PIK3C2B: variants seen among roughly 807,000 people sequenced by gnomAD.
The protein encoded by PIK3C2B is phosphatidylinositol 4-phosphate 3-kinase C2 domain-containing subunit beta.
PIK3C2B carries 83 observed loss-of-function variants against 184.3 expected under a neutral mutation model. The observed-to-expected ratio is 0.45, with a 90% CI of 0.38 to 0.54. The LOEUF is 0.54. Ranked by LOEUF, PIK3C2B falls within the 20% of genes least tolerant of loss-of-function variation. PIK3C2B has a pLI of 0.00. For synonymous variants in PIK3C2B, 779 were observed against 837.6 expected, an observed-to-expected ratio of 0.93 and a Z score of 1.21; for missense variants, 1,736 against 2,113.5, an observed-to-expected ratio of 0.82 and a Z score of 3.50.
Position 204,446,077 on chromosome 1 carries a change from G to C in PIK3C2B, c.2557C>G (p.Leu853Val). 1 of 1,600,020 alleles carries C rather than the reference G, an allele frequency of 6.2e-7. No individual in the cohort carries two copies. The highest frequency in any genetic ancestry group is 1.1e-5 in the South Asian group (1 of 89,506). The change falls in exon 16 of 33, where the codon CTC (leucine) becomes GTC (valine). Residue 853 changes from leucine (L) to valine (V), a missense_variant. By Grantham distance (32) the Leu-to-Val change is conservative (BLOSUM62 1). Coordinates refer to ENST00000684373, the MANE Select transcript of PIK3C2B (RefSeq NM_001377334.1). ...GGGGCGCTGGCGAGCACCAGGGGGAGCGAGCTCACCTCCGAGTGGCAGTAA... is the reference window on the plus strand; with the variant it reads ...GGGGCGCTGGCGAGCACCAGGGGGACCGAGCTCACCTCCGAGTGGCAGTAA... ...RYYCHSEVSS[L>V]PLVLASAPSW...
At chr1:204,425,582 C>G (rs1674700886) in intron 32 of PIK3C2B, 31 bp downstream of exon 32, 1 of 1,613,014 alleles carries the variant, frequency 6.2e-7, no homozygotes, top group Admixed American at 1.7e-5. Flanking sequence ...GTTGCCAACC[C>G]CTGCCCTACC....
Position 204,456,435 on chromosome 1 carries a change from G to A in PIK3C2B, c.1748-384C>T, listed in dbSNP as rs895132813. The A allele has an allele frequency of 1.8e-5, 3 of 167,496 alleles. No individual in the cohort carries two copies. In the Admixed American group the frequency reaches 1.9e-4, roughly 11 times the overall value. The allele number at this position is 167,496 out of a possible 1,614,324, so 10.4% of individuals were successfully genotyped here. ...TCTTGGTCCCCCAAATACTTTGGGGGACATTTTACTGGTCTATGAAATCCA... is the reference window on the plus strand; with the variant it reads ...TCTTGGTCCCCCAAATACTTTGGGGAACATTTTACTGGTCTATGAAATCCA... On this transcript the variant is annotated intron_variant, in intron 10 of 32. Transcript: ENST00000684373.
chr1:204,445,653 G>A (rs1181668046), intron 16 of PIK3C2B, among the ~76,000 whole-genome samples: 1 of 145,286 alleles, frequency 6.9e-6, no homozygotes, highest in Non-Finnish European at 1.5e-5. Context: ...GATGGATACA[G>A]TGATGGATAA....
chr1:204,430,335 A>C lies in PIK3C2B; in HGVS notation c.4281-297T>G, dbSNP rs188844264. The stretch of plus-strand genomic sequence containing the variant: ...GGCTCGGGAGCCCTCAGTTTCTCCC[A>C]TCGATGTAAAAATCCTTTTTTTTTT... On this transcript the variant is annotated intron_variant, in intron 28 of 32. Coordinates refer to ENST00000684373, the MANE Select transcript of PIK3C2B (RefSeq NM_001377334.1). Among the ~76,000 whole-genome samples, 5 of 150,708 alleles carry C rather than the reference A, an allele frequency of 3.3e-5. No homozygotes were observed. In the East Asian group the frequency reaches 1.0e-3, roughly 30 times the overall value.
intron 23 of PIK3C2B, among the ~76,000 whole-genome samples, chr1:204,437,793 G>GA (rs1558237057): frequency 2.6e-5 from 4 of 152,198 alleles, no homozygotes; most frequent in Non-Finnish European, 4.4e-5. Context: ...GGTTTCAAGA[G>GA]GCAAAGGAGA....
chr1:204,440,397 TTGGCC>T, intron 21 of PIK3C2B, 76 bp from the exon 22 acceptor site: 1 of 1,472,624 alleles, frequency 6.8e-7, no homozygotes, highest in African/African-American at 1.4e-5. Context: ...GTGCTCAACC[TTGGCC>T]CTAAACTAAC....
In PIK3C2B at chr1:204,494,782, G is replaced by T. The variant is rs1298990666; in HGVS notation, c.-511C>A. The T allele has an allele frequency of 6.6e-6, 1 of 152,016 alleles. No homozygotes were observed. Among genetic ancestry groups the T allele is most frequent in the South Asian group, 2.1e-4 (1 of 4,812 alleles). The allele number at this position is 152,016 out of a possible 1,614,324, so 9.4% of individuals were successfully genotyped here. ...CTGGACAGGCAGGCACCCGGCCGCC[G>T]GCTCCAGCCGCAGCGCCGAATCCGC... is the stretch of plus-strand genomic sequence containing the variant. On this transcript the variant is annotated 5_prime_UTR_variant, in exon 1 of 33. Transcript: ENST00000684373.
At chr1:204,487,730 T>A (rs1475803793) in intron 1 of PIK3C2B, among the ~76,000 whole-genome samples, 3 of 152,200 alleles carry the variant, frequency 2.0e-5, no homozygotes, top group African/African-American at 7.2e-5. Flanking sequence ...ATTAAGACGC[T>A]GGGAAATGCT....
At chr1:204,445,642 GGATGGATACAGT>G (rs200531991) in intron 16 of PIK3C2B, among the ~76,000 whole-genome samples, 2,568 of 150,882 alleles carry the variant, frequency 0.017, 58 homozygotes, top group East Asian at 0.12. Context: ...ATGGATAGAT[GGATGGATACAGT>G]GATGGATAAA....
chr1:204,444,057 T>C lies in PIK3C2B; in HGVS notation c.2867+11A>G. ...CGTGTCTACCTCCCACTTTTCTACA[T>C]GCAGTTTTACCAGAAGAAGTAGTGA... On this transcript the variant is annotated intron_variant, in intron 18 of 32. Transcript: ENST00000684373. 1 of 1,579,914 alleles carries C rather than the reference T, an allele frequency of 6.3e-7. No individual in the cohort carries two copies. The highest frequency in any genetic ancestry group is 8.7e-7 in the Non-Finnish European group (1 of 1,148,814).
intron 1 of PIK3C2B, among the ~76,000 whole-genome samples, chr1:204,485,720 C>T (rs1202464885): frequency 6.6e-6 from 1 of 152,032 alleles, no homozygotes; most frequent in Non-Finnish European, 1.5e-5. Flanking sequence ...GGACTACAGA[C>T]GTGGTCGCCA....
intron 31 of PIK3C2B, 91 bp downstream of exon 31, chr1:204,427,557 C>T: frequency 1.2e-6 from 1 of 805,846 alleles, no homozygotes; most frequent in Non-Finnish European, 2.2e-6. Flanking sequence ...TGGTGGTTAC[C>T]CATATGACAC....
intron 2 of PIK3C2B, among the ~76,000 whole-genome samples, chr1:204,466,401 GCTC>G (rs1258344597): frequency 1.3e-5 from 2 of 148,794 alleles, no homozygotes; most frequent in Admixed American, 6.7e-5. Flanking sequence ...CAGCAACTGA[GCTC>G]CTCATTTGAA....
At position 204,447,639 on chromosome 1, in the gene PIK3C2B, T is replaced by C. The variant is rs1653994736; in HGVS notation, c.2347-61A>G. Reference sequence around the variant, plus strand: ...CAGGCAGCGTGTGTGGACTCCCAGCTTCTTTCTCTCACCCCAGCATTCCGG... The same window carrying C: ...CAGGCAGCGTGTGTGGACTCCCAGCCTCTTTCTCTCACCCCAGCATTCCGG... On this transcript the variant is annotated intron_variant, in intron 14 of 32. Coordinates refer to ENST00000684373, the MANE Select transcript of PIK3C2B (RefSeq NM_001377334.1). This position sits in a 1 kb window ranked among gnomAD's most constrained non-coding sequence, Gnocchi z 4.1. 5.7e-6 allele frequency: 7 copies of C among 1,236,058 alleles called. No homozygotes were observed. The highest frequency in any genetic ancestry group is 8.2e-6 in the Non-Finnish European group (7 of 856,876). 76.6% of individuals were successfully genotyped at this position (1,236,058 alleles called of 1,614,324 possible).
chr1:204,427,824 C>T (rs544580034), intron 30 of PIK3C2B, 70 bp from the exon 31 acceptor site: 1 of 1,093,664 alleles, frequency 9.1e-7, no homozygotes, highest in African/African-American at 1.6e-5. Flanking sequence ...TCCTGAACCC[C>T]CTTGCCCCAG....
intron 1 of PIK3C2B, among the ~76,000 whole-genome samples, chr1:204,477,306 G>A (rs1425909366): frequency 6.6e-6 from 1 of 152,204 alleles, no homozygotes; most frequent in Non-Finnish European, 1.5e-5. Flanking sequence ...ATTCAAATGT[G>A]CAGCCAGGTT....
chr1:204,457,120 C>T (rs756348800), intron 9 of PIK3C2B, 50 bp from the exon 10 acceptor site: 2 of 1,508,720 alleles, frequency 1.3e-6, no homozygotes, highest in Non-Finnish European at 1.8e-6. Flanking sequence ...TAGCCTTTTT[C>T]GTCACAGCTG....
chr1:204,438,317 C>A (rs901002790), intron 23 of PIK3C2B, among the ~76,000 whole-genome samples: 1 of 152,174 alleles, frequency 6.6e-6, no homozygotes, highest in Admixed American at 6.5e-5. Context: ...GAACAGGCCA[C>A]GGACCCTAGC....
rs748464367 is a variant in PIK3C2B at position 204,454,796 on chromosome 1, A to G, written c.1944-5T>C. 10 of 1,610,110 alleles carry G rather than the reference A, an allele frequency of 6.2e-6. No individual in the cohort carries two copies. In the African/African-American group the frequency reaches 1.1e-4, roughly 17 times the overall value. On this transcript the variant is annotated splice_polypyrimidine_tract_variant and splice_region_variant and intron_variant, in intron 11 of 32. Coordinates refer to ENST00000684373, the MANE Select transcript of PIK3C2B (RefSeq NM_001377334.1). ...GAGAGGTAGAAATCTTCATAGCTAT[A>G]AAAGAAAGGGAGCAGGTCAGGACAC... is the stretch of plus-strand genomic sequence containing the variant.
Sources: allele counts gnomAD v4.1 joint callset (sites outside exome capture counted in the v4.1 genomes callset), GRCh38; gene constraint gnomAD v4.1.1; non-coding constraint Gnocchi (gnomAD v3.1); transcripts MANE v1.5; gene names NCBI Gene and HGNC (gene_info 2026-07-23, HGNC 2026-07-21).